Variants in RPH3AL observed in about 807,000 individuals in gnomAD.
RPH3AL encodes rab effector Noc2.
RPH3AL carries 38 observed loss-of-function variants against 43.1 expected under a neutral mutation model. The ratio of observed to expected loss-of-function variants is 0.88; its 90% confidence interval spans 0.68 to 1.15. RPH3AL has a LOEUF of 1.15. Ranked by LOEUF, RPH3AL falls within the 50% of genes most tolerant of loss-of-function variation. The pLI is 0.00. For synonymous variants in RPH3AL, 189 were observed against 176.3 expected (o/e 1.07, Z -0.57); for missense variants, 462 against 423.2 (o/e 1.09, Z -0.81).
intron 3 of RPH3AL, among the ~76,000 whole-genome samples, chr17:325,294 A>T (rs184050838): frequency 2.6e-5 from 4 of 152,136 alleles, no homozygotes; most frequent in Non-Finnish European, 5.9e-5. Context: ...GGGCTGACAC[A>T]TTATTACGAG....
chr17:331,488 C>G (rs992398266), intron 2 of RPH3AL: 2 of 1,097,922 alleles, frequency 1.8e-6, no homozygotes, highest in Non-Finnish European at 2.4e-6. Context: ...TGTGCACCCC[C>G]ACCCTGGCCG....
At chr17:351,272 G>C (rs551040168) in intron 1 of RPH3AL, among the ~76,000 whole-genome samples, 1 of 152,214 alleles carries the variant, frequency 6.6e-6, no homozygotes, top group South Asian at 2.1e-4. Flanking sequence ...TCTGCCTCCA[G>C]TCCTGGTATC....
intron 6 of RPH3AL, among the ~76,000 whole-genome samples, chr17:263,714 G>A (rs549038565): frequency 6.6e-6 from 1 of 152,194 alleles, no homozygotes; most frequent in Non-Finnish European, 1.5e-5. Context: ...TGGTAGCTCA[G>A]GAAAGGAAAG....
At chr17:216,997 A>T (rs568828934) in intron 8 of RPH3AL, among the ~76,000 whole-genome samples, 1 of 151,114 alleles carries the variant, frequency 6.6e-6, no homozygotes, top group African/African-American at 2.4e-5. Context: ...CAGTTATTAC[A>T]GAGCCCTTCT....
intron 6 of RPH3AL, among the ~76,000 whole-genome samples, chr17:272,960 GTC>G (rs2042520614): frequency 3.0e-5 from 1 of 33,680 alleles, no homozygotes; most frequent in Admixed American, 3.7e-4. Flanking sequence ...CAAGGGCTAC[GTC>G]AGGGTGAGAC....
At chr17:310,457 C>T (rs527994118) in intron 5 of RPH3AL, among the ~76,000 whole-genome samples, 34 of 152,266 alleles carry the variant, frequency 2.2e-4, no homozygotes, top group South Asian at 6.2e-4. Context: ...ATGCTTCCCA[C>T]GGCAGGGATC....
intron 6 of RPH3AL, among the ~76,000 whole-genome samples, chr17:270,940 AT>A (rs2042448380): frequency 6.6e-6 from 1 of 152,144 alleles, no homozygotes; most frequent in Non-Finnish European, 1.5e-5. Context: ...TCCATCTTGA[AT>A]TAATTTTTGT....
At chr17:310,770 A>G (rs76890348) in intron 5 of RPH3AL, among the ~76,000 whole-genome samples, 2,910 of 152,262 alleles carry the variant, frequency 0.019, 82 homozygotes, top group East Asian at 0.08. Flanking sequence ...GTGTGCGATA[A>G]ATATTTGTGG....
chr17:261,204 T>C (rs572784236), intron 6 of RPH3AL, among the ~76,000 whole-genome samples: 1 of 152,364 alleles, frequency 6.6e-6, no homozygotes, highest in Admixed American at 6.5e-5. Flanking sequence ...GGGGCTGAAC[T>C]GTGTCCTCCA....
intron 6 of RPH3AL, among the ~76,000 whole-genome samples, chr17:248,123 ACCT>A (rs1357023874): frequency 4.0e-5 from 6 of 151,716 alleles, no homozygotes; most frequent in Non-Finnish European, 8.8e-5. Context: ...ACCTGCAGAC[ACCT>A]CCTCCTGCCC....
intron 1 of RPH3AL, among the ~76,000 whole-genome samples, chr17:344,948 C>A (rs1422790620): frequency 7.4e-6 from 1 of 135,818 alleles, no homozygotes; most frequent in Non-Finnish European, 1.7e-5. Context: ...GAAAGGCCAC[C>A]TGGCCTTGCT....
At chr17:313,052 GGGT>G (rs986163454) in intron 5 of RPH3AL, among the ~76,000 whole-genome samples, 1 of 152,218 alleles carries the variant, frequency 6.6e-6, no homozygotes, top group Non-Finnish European at 1.5e-5. Context: ...TTGCTGCTCA[GGGT>G]GGACCAAGCG....
Position 213,861 on chromosome 17 carries a change from G to T in RPH3AL, c.939C>A (p.Cys313Ter). The change falls in exon 10 of 10, where the codon TGC becomes TGA. Residue 313 changes from cysteine (C) to a stop codon, truncating the protein, a stop_gained. Transcript: ENST00000331302. LOFTEE classifies it high-confidence loss of function. ...ADAAPAGPSS[C>*]LG Reference sequence around the variant, plus strand: ...CCAGGCACCAGACACCTCAGCCCAGGCAGCTGGAGGGGCCTGCTGGAGCTG... The same window carrying T: ...CCAGGCACCAGACACCTCAGCCCAGTCAGCTGGAGGGGCCTGCTGGAGCTG... 1 of 1,613,398 alleles carries T rather than the reference G, an allele frequency of 6.2e-7. No individual in the cohort carries two copies. The highest frequency in any genetic ancestry group is 8.5e-7 in the Non-Finnish European group (1 of 1,179,788).
chr17:272,717 T>C (rs2042501028), intron 6 of RPH3AL, among the ~76,000 whole-genome samples: 1 of 150,662 alleles, frequency 6.6e-6, no homozygotes, highest in African/African-American at 2.4e-5. Flanking sequence ...GTAACGAACC[T>C]GCACATTGAG....
In RPH3AL at chr17:216,534, G is replaced by A. The variant is rs189144683; in HGVS notation, c.728-732C>T. On this transcript the variant is annotated intron_variant, in intron 8 of 9. Transcript: ENST00000331302. ...CCTGCTACTTTGCTGAACTTCTCTT[G>A]TCTCCCAGTCCTGCTTGGTCAGAGC... Among the ~76,000 whole-genome samples the A allele has an allele frequency of 3.6e-4, 55 of 152,154 alleles. No individual in the cohort carries two copies. In the East Asian group the frequency reaches 8.3e-3, roughly 23 times the overall value.
At position 288,887 on chromosome 17, in the gene RPH3AL, A is replaced by G. The variant is rs866999828; in HGVS notation, c.352-7033T>C. ...CCCTCTCTCTCCACCGTCAGACCTC[A>G]CTCCCTCTCTCTCCACCGTCAGACC... On this transcript the variant is annotated intron_variant, in intron 5 of 9. Transcript: ENST00000331302. 1.7e-3 allele frequency among the ~76,000 whole-genome samples: 104 copies of G among 59,436 alleles called. 2 individuals are homozygous for G. Among genetic ancestry groups the G allele is most frequent in the African/African-American group, 6.4e-3 (99 of 15,502 alleles). 39.0% of individuals were successfully genotyped at this position (59,436 alleles called of 152,430 possible).
intron 3 of RPH3AL, 184 bp from the exon 4 acceptor site, chr17:321,599 GAGACGGCCCAGGTGGCA>G: frequency 2.0e-6 from 1 of 508,212 alleles, no homozygotes; most frequent in Non-Finnish European, 3.2e-6. Flanking sequence ...GGTGGCAACA[GAGACGGCCCAGGTGGCA>G]ACAGAGACGG....
intron 5 of RPH3AL, among the ~76,000 whole-genome samples, chr17:316,108 C>CT (rs2044149985): frequency 6.7e-6 from 1 of 148,714 alleles, no homozygotes; most frequent in Non-Finnish European, 1.5e-5. Flanking sequence ...CCTGTAGTCT[C>CT]TCTGCACCCA....
chr17:284,958 C>CA (rs1211990915), intron 5 of RPH3AL, among the ~76,000 whole-genome samples: 2 of 152,200 alleles, frequency 1.3e-5, no homozygotes, highest in Non-Finnish European at 2.9e-5. Flanking sequence ...ATAAGGACGC[C>CA]AATCCCATCC....
Sources: gnomAD v4.1 joint callset for allele counts (sites outside exome capture counted in the v4.1 genomes callset) on GRCh38, gnomAD v4.1.1 for gene constraint, MANE v1.5 for transcripts, NCBI Gene and HGNC (gene_info 2026-07-23, HGNC 2026-07-21) for gene names.